INO80D: variants seen among roughly 807,000 people sequenced by gnomAD.
INO80D encodes INO80 complex subunit D.
Under a neutral mutation model 87.6 loss-of-function variants are expected in INO80D, and 21 were observed. The observed-to-expected ratio is 0.24, with a 90% CI of 0.17 to 0.35. The LOEUF (loss-of-function observed/expected upper bound fraction) is 0.35, where lower values mean the gene tolerates loss of function less well. Among genes scored for constraint, INO80D ranks in the 10% least tolerant of loss-of-function variants. The pLI, the probability that INO80D is intolerant of heterozygous loss-of-function variation, is 1.00. For missense variants in INO80D, 982 were observed against 1,280.7 expected (o/e 0.77, Z 3.56); for synonymous variants, 440 against 491.0 (o/e 0.90, Z 1.37).
chr2:206,057,763 G>C (rs903955439), intron 3 of INO80D, among the ~76,000 whole-genome samples: 1 of 151,930 alleles, frequency 6.6e-6, no homozygotes, highest in African/African-American at 2.4e-5. Context: ...CACCACTAAA[G>C]AACTTGCTCA....
intron 1 of INO80D, among the ~76,000 whole-genome samples, chr2:206,080,515 C>T (rs1423040066): frequency 6.6e-6 from 1 of 151,916 alleles, no homozygotes; most frequent in Non-Finnish European, 1.5e-5. Flanking sequence ...ATTTATTTGC[C>T]CCATTAAAGT....
intron 6 of INO80D, among the ~76,000 whole-genome samples, chr2:206,026,570 A>G (rs559392865): frequency 2.6e-5 from 4 of 151,392 alleles, no homozygotes; most frequent in African/African-American, 7.3e-5. Flanking sequence ...AAAAAGAAAA[A>G]TAGCCATAAT....
rs1172014009 is a variant in INO80D at position 206,085,827 on chromosome 2, A to G, written c.-124+74T>C. 10 of 151,340 alleles carry G rather than the reference A, an allele frequency of 6.6e-5. No individual in the cohort carries two copies. The highest frequency in any genetic ancestry group is 1.2e-4 in the Non-Finnish European group (8 of 67,956). 9.4% of individuals were successfully genotyped at this position (151,340 alleles called of 1,614,324 possible). The stretch of plus-strand genomic sequence containing the variant: ...ACGTAAGCGCGCTCGCCGCCCGCCC[A>G]GCCTGCGCGGCCCAGCCCGCCGCCC... On this transcript the variant is annotated intron_variant, in intron 1 of 10. Transcript: ENST00000403263. This position sits in a 1 kb window ranked among gnomAD's most constrained non-coding sequence, Gnocchi z 4.5.
chr2:206,085,758 T>G lies in INO80D; in HGVS notation c.-124+143A>C, dbSNP rs1690441361. ...GGCGCCGGCCCCACTCACCCTTTCATTCTCCGCCCGGGGCCTGGCGTGGGC... is the reference window on the plus strand; with the variant it reads ...GGCGCCGGCCCCACTCACCCTTTCAGTCTCCGCCCGGGGCCTGGCGTGGGC... On this transcript the variant is annotated intron_variant, in intron 1 of 10. Coordinates refer to ENST00000403263, the MANE Select transcript of INO80D (RefSeq NM_017759.5). This position sits in a 1 kb window ranked among gnomAD's most constrained non-coding sequence, Gnocchi z 4.5. 2 of 150,718 alleles carry G rather than the reference T, an allele frequency of 1.3e-5. No homozygotes were observed. The highest frequency in any genetic ancestry group is 2.4e-5 in the African/African-American group (1 of 41,260). The allele number at this position is 150,718 out of a possible 1,614,324, so 9.3% of individuals were successfully genotyped here.
Position 206,049,126 on chromosome 2 carries a change from A to G in INO80D, c.965-2514T>C, listed in dbSNP as rs572287407. 3.3e-5 allele frequency among the ~76,000 whole-genome samples: 5 copies of G among 152,324 alleles called. No homozygotes were observed. The East Asian group carries it at 9.6e-4, about 29-fold the overall frequency. The stretch of plus-strand genomic sequence containing the variant: ...AGACAGTTACATTAAAAAGGACTTC[A>G]TGGATTGCTTCCATAGTTTAAATGA... On this transcript the variant is annotated intron_variant, in intron 4 of 10. Transcript: ENST00000403263.
chr2:206,045,037 A>G (rs545017625), intron 5 of INO80D, among the ~76,000 whole-genome samples: 2 of 152,318 alleles, frequency 1.3e-5, no homozygotes, highest in South Asian at 4.1e-4. Flanking sequence ...CTCCAATACT[A>G]TCTAGGGGGT....
Position 206,005,098 on chromosome 2 carries a change from T to C in INO80D, c.2354A>G (p.His785Arg). The C allele has an allele frequency of 6.2e-6, 10 of 1,613,894 alleles. No individual in the cohort carries two copies. Among genetic ancestry groups the C allele is most frequent in the Non-Finnish European group, 7.6e-6 (9 of 1,179,862 alleles). Reference sequence around the variant, plus strand: ...GGCATGGCTGCCGTCATGAAGTCCATGAAACTGTCCTGGGAAGGCTCTCTC... The same window carrying C: ...GGCATGGCTGCCGTCATGAAGTCCACGAAACTGTCCTGGGAAGGCTCTCTC... ...LGERAFPGQFHGLHDGSHASQ... is the reference protein window; with the variant it reads ...LGERAFPGQFRGLHDGSHASQ... The change falls in exon 11 of 11, where the codon CAT becomes CGT. Residue 785 changes from histidine to arginine, a missense_variant. His to Arg is a conservative substitution (Grantham distance 29). Coordinates refer to ENST00000403263, the MANE Select transcript of INO80D (RefSeq NM_017759.5).
intron 5 of INO80D, among the ~76,000 whole-genome samples, chr2:206,035,335 C>T (rs886172522): frequency 4.6e-5 from 7 of 152,078 alleles, no homozygotes; most frequent in African/African-American, 1.7e-4. Context: ...TACCTGATTT[C>T]AAACTATACT....
intron 8 of INO80D, among the ~76,000 whole-genome samples, chr2:206,015,299 G>A (rs570709873): frequency 2.6e-5 from 4 of 152,294 alleles, no homozygotes; most frequent in South Asian, 2.1e-4. Context: ...TCCAGGGCAC[G>A]TCAGATGTCT....
intron 6 of INO80D, among the ~76,000 whole-genome samples, chr2:206,023,261 TC>T (rs1688515260): frequency 6.6e-6 from 1 of 152,126 alleles, no homozygotes; most frequent in Non-Finnish European, 1.5e-5. Context: ...ACTTTTAATT[TC>T]TAAAATATGT....
chr2:206,023,177 G>C (rs1252995269), intron 6 of INO80D, among the ~76,000 whole-genome samples: 1 of 151,930 alleles, frequency 6.6e-6, no homozygotes, highest in East Asian at 1.9e-4. Flanking sequence ...CTCCAGCCTG[G>C]GCAACAAGAG....
chr2:206,009,084 T>G (rs1040645039), intron 9 of INO80D, among the ~76,000 whole-genome samples: 2 of 152,180 alleles, frequency 1.3e-5, no homozygotes, highest in Admixed American at 1.3e-4. Context: ...CCGAGGCAGG[T>G]GGATCACTTG....
Position 206,005,069 on chromosome 2 carries a change from G to T in INO80D, c.2383C>A (p.Gln795Lys). The change falls in exon 11 of 11, where the codon CAG becomes AAG. Residue 795 changes from glutamine to lysine, a missense_variant. Coordinates refer to ENST00000403263, the MANE Select transcript of INO80D (RefSeq NM_017759.5). ...AGCAGCTGGGCAGGATGTGGCCTCT[G>T]GGAGGCATGGCTGCCGTCATGAAGT... ...HGLHDGSHAS[Q>K]RPHPAQLLSK... 6.2e-7 allele frequency: 1 copy of T among 1,613,954 alleles called. No homozygotes were observed.
chr2:206,032,161 T>C (rs1341721353), intron 5 of INO80D, among the ~76,000 whole-genome samples: 1 of 152,130 alleles, frequency 6.6e-6, no homozygotes, highest in African/African-American at 2.4e-5. Flanking sequence ...TTTGTAACAA[T>C]TTGAACCTGG....
chr2:206,044,938 T>A (rs1196091036), intron 5 of INO80D, among the ~76,000 whole-genome samples: 3 of 152,154 alleles, frequency 2.0e-5, no homozygotes, highest in Non-Finnish European at 4.4e-5. Context: ...GTGCTGTATC[T>A]GAAAGAACCT....
Position 206,005,526 on chromosome 2 carries a change from A to G in INO80D, c.1926T>C (p.Asn642=). ...LQDFDFFEGK[N]GDLLPTTEEA... ...CTTCGGTAGTTGGGAGGAGGTCTCC[A>G]TTCTTCCCTGAGTCAACAAAAGCCA... is the stretch of plus-strand genomic sequence containing the variant. The change falls in exon 11 of 11, where the codon AAT becomes AAC. Residue 642 remains asparagine, a synonymous_variant. Transcript: ENST00000403263. 1.2e-6 allele frequency: 2 copies of G among 1,610,084 alleles called. No homozygotes were observed. Among genetic ancestry groups the G allele is most frequent in the East Asian group, 2.2e-5 (1 of 44,848 alleles).
chr2:206,043,469 C>G (rs1689108664), intron 5 of INO80D, among the ~76,000 whole-genome samples: 1 of 150,000 alleles, frequency 6.7e-6, no homozygotes, highest in Non-Finnish European at 1.5e-5. Context: ...CGTGCTCAGC[C>G]AGGTAGGGCC....
Position 206,005,127 on chromosome 2 carries a change from A to G in INO80D, c.2325T>C (p.Leu775=), listed in dbSNP as rs530833163. Residue 775 remains leucine, a synonymous_variant, in exon 11 of 11, where the codon CTT becomes CTC. Coordinates refer to ENST00000403263, the MANE Select transcript of INO80D (RefSeq NM_017759.5). ...TSATLISQSA[L]GERAFPGQFH... ...ACTGTCCTGGGAAGGCTCTCTCCCCAAGTGCACTCTGGCTGATCAGAGTGG... is the reference window on the plus strand; with the variant it reads ...ACTGTCCTGGGAAGGCTCTCTCCCCGAGTGCACTCTGGCTGATCAGAGTGG... 3 of 1,613,992 alleles carry G rather than the reference A, an allele frequency of 1.9e-6. No individual in the cohort carries two copies. The highest frequency in any genetic ancestry group is 1.3e-5 in the African/African-American group (1 of 75,048).
chr2:206,006,805 G>A (rs918148532), intron 10 of INO80D, among the ~76,000 whole-genome samples: 5 of 152,192 alleles, frequency 3.3e-5, no homozygotes, highest in African/African-American at 1.2e-4. Context: ...CCAGCACTTT[G>A]GGAGGCCAAG....
Sources: allele counts gnomAD v4.1 joint callset (sites outside exome capture counted in the v4.1 genomes callset), GRCh38; gene constraint gnomAD v4.1.1; non-coding constraint Gnocchi (gnomAD v3.1); transcripts MANE v1.5; gene names NCBI Gene and HGNC (gene_info 2026-07-23, HGNC 2026-07-21).